The following TSPAN11 variants were observed in gnomAD, a reference collection of about 807,000 sequenced individuals.
The protein encoded by TSPAN11 is tetraspanin 11.
TSPAN11 carries 29 observed loss-of-function variants against 32.9 expected under a neutral mutation model. The ratio of observed to expected loss-of-function variants is 0.88; its 90% CI spans 0.66 to 1.20. TSPAN11 has a LOEUF of 1.20. TSPAN11 is among the 50% of genes most tolerant of loss of function. TSPAN11 has a pLI of 0.00. For synonymous variants in TSPAN11, 140 were observed against 141.3 expected (o/e 0.99, Z 0.07); for missense variants, 283 against 329.1 (o/e 0.86, Z 1.08).
At chr12:30,934,732 G>A (rs1440651978) in intron 1 of TSPAN11, among the ~76,000 whole-genome samples, 1 of 151,776 alleles carries the variant, frequency 6.6e-6, no homozygotes, top group African/African-American at 2.4e-5. Flanking sequence ...TTCCAATGAG[G>A]CCCAGGGAAG....
rs182211101 is a variant in TSPAN11, at chr12:30,975,032, G to T, written c.277-3529G>T. Reference sequence around the variant, plus strand: ...GGTAGGCACCAGCATTCCAGGCAGGGGGACAGGCAGGGCAAAGGCCCAAAG... The same window carrying T: ...GGTAGGCACCAGCATTCCAGGCAGGTGGACAGGCAGGGCAAAGGCCCAAAG... On this transcript the variant is annotated intron_variant, in intron 3 of 7. Coordinates refer to ENST00000546076, the MANE Select transcript of TSPAN11 (RefSeq NM_001370302.1). The surrounding 1 kb of genome is among the most constrained non-coding windows in gnomAD (Gnocchi z 4.5). 6.6e-6 allele frequency among the ~76,000 whole-genome samples: 1 copy of T among 152,224 alleles called. No homozygotes were observed. Among genetic ancestry groups the T allele is most frequent in the Non-Finnish European group, 1.5e-5 (1 of 68,032 alleles).
At chr12:30,956,826 G>GC (rs1938487452) in intron 2 of TSPAN11, among the ~76,000 whole-genome samples, 1 of 152,106 alleles carries the variant, frequency 6.6e-6, no homozygotes, top group African/African-American at 2.4e-5. Context: ...AACGTTTCTA[G>GC]CCCCCCAGGC....
chr12:30,973,494 G>A (rs536186284), intron 3 of TSPAN11, among the ~76,000 whole-genome samples: 39 of 152,154 alleles, frequency 2.6e-4, no homozygotes, highest in South Asian at 6.2e-4. Context: ...TTCTTTTGCT[G>A]GAAGGGATGC....
At chr12:31,002,024 A>G in the TSPAN11 span, among the ~76,000 whole-genome samples, 1 of 152,022 alleles carries the variant, frequency 6.6e-6, no homozygotes, top group South Asian at 2.1e-4. The surrounding 1 kb of genome is among the most constrained non-coding windows in gnomAD (Gnocchi z 4.8). Flanking sequence ...CAAAATTCCC[A>G]TGACTTGGCT....
chr12:30,946,166 A>T (rs1325033975), intron 1 of TSPAN11, among the ~76,000 whole-genome samples: 3 of 152,236 alleles, frequency 2.0e-5, no homozygotes, highest in Non-Finnish European at 2.9e-5. Flanking sequence ...AGCAGTGGCC[A>T]GCCATCCTGG....
At chr12:31,001,935 G>C in the TSPAN11 span, among the ~76,000 whole-genome samples, 2 of 152,194 alleles carry the variant, frequency 1.3e-5, no homozygotes, top group Non-Finnish European at 2.9e-5. Context: ...TGCCCTGTGA[G>C]CCACAAGCAC....
chr12:31,011,169 A>C, the TSPAN11 span, among the ~76,000 whole-genome samples: 2 of 152,164 alleles, frequency 1.3e-5, no homozygotes, highest in Non-Finnish European at 2.9e-5. Context: ...CGAGGAGGGC[A>C]GATCACCTGA....
At chr12:30,937,678 G>A (rs964314418) in intron 1 of TSPAN11, among the ~76,000 whole-genome samples, 10 of 152,334 alleles carry the variant, frequency 6.6e-5, no homozygotes, top group East Asian at 1.9e-4. Flanking sequence ...AGGGCAGTGC[G>A]TGGTCTCAAA....
intron 3 of TSPAN11, among the ~76,000 whole-genome samples, chr12:30,973,470 A>G (rs2140299187): frequency 6.6e-6 from 1 of 152,266 alleles, no homozygotes; most frequent in East Asian, 1.9e-4. Flanking sequence ...CTGCCAAGAA[A>G]GGGTTATTTT....
At chr12:31,000,420 C>T (rs1414145374), downstream of TSPAN11, among the ~76,000 whole-genome samples, 3 of 152,208 alleles carry the variant, frequency 2.0e-5, no homozygotes, top group East Asian at 1.9e-4. Flanking sequence ...CATGTCTGAC[C>T]GATTTCTTGC....
chr12:30,947,848 G>A (rs1464470290), intron 1 of TSPAN11, among the ~76,000 whole-genome samples: 3 of 152,066 alleles, frequency 2.0e-5, no homozygotes, highest in Non-Finnish European at 4.4e-5. Flanking sequence ...TCTTATTTCA[G>A]CATTAACCCA....
the TSPAN11 span, among the ~76,000 whole-genome samples, chr12:31,013,995 C>A: frequency 6.6e-6 from 1 of 152,150 alleles, no homozygotes; most frequent in African/African-American, 2.4e-5. Flanking sequence ...CTAAAATGAC[C>A]ATATTTTGGA....
At chr12:30,991,318 A>T (rs769717207) in intron 7 of TSPAN11, among the ~76,000 whole-genome samples, 13 of 152,226 alleles carry the variant, frequency 8.5e-5, no homozygotes, top group Non-Finnish European at 1.9e-4. Flanking sequence ...CCTGTACACC[A>T]GCCAGAGCAT....
At chr12:30,927,071 G>A in intron 1 of TSPAN11, 1 of 1,262,190 alleles carries the variant, frequency 7.9e-7, no homozygotes, top group South Asian at 1.3e-5. Flanking sequence ...CTGCCTTTCT[G>A]CACTTGTGCC....
At chr12:30,940,940 C>G (rs1938147773) in intron 1 of TSPAN11, among the ~76,000 whole-genome samples, 1 of 152,162 alleles carries the variant, frequency 6.6e-6, no homozygotes, top group South Asian at 2.1e-4. Context: ...TTGCACACTC[C>G]TTGTGAGAAT....
chr12:30,979,525 G>A (rs1275691408), intron 4 of TSPAN11, 41 bp from the exon 5 acceptor site: 2 of 1,595,908 alleles, frequency 1.3e-6, no homozygotes, highest in Non-Finnish European at 1.7e-6. Context: ...CAGGGGTGGG[G>A]CTGGTCCCGC....
At chr12:30,933,221 C>T (rs1937969660) in intron 1 of TSPAN11, among the ~76,000 whole-genome samples, 1 of 152,174 alleles carries the variant, frequency 6.6e-6, no homozygotes, top group African/African-American at 2.4e-5. Context: ...GATCCTTGTC[C>T]TCTAATTTAA....
At chr12:31,016,474 AAGGAG>A in the TSPAN11 span, among the ~76,000 whole-genome samples, 2 of 151,716 alleles carry the variant, frequency 1.3e-5, no homozygotes, top group African/African-American at 4.8e-5. Flanking sequence ...AAGGAAAGGA[AAGGAG>A]AGGAGAGGAA....
chr12:30,938,341 C>G (rs1459399218), intron 1 of TSPAN11, among the ~76,000 whole-genome samples: 2 of 152,210 alleles, frequency 1.3e-5, no homozygotes, highest in Admixed American at 1.3e-4. Flanking sequence ...ACACCTGCCT[C>G]AACTGCTCAC....
Sources: allele counts gnomAD v4.1 joint callset (sites outside exome capture counted in the v4.1 genomes callset), GRCh38; gene constraint gnomAD v4.1.1; non-coding constraint Gnocchi (gnomAD v3.1); transcripts MANE v1.5; gene names NCBI Gene and HGNC (gene_info 2026-07-23, HGNC 2026-07-21).